ARHGEF28: variants seen among roughly 807,000 people sequenced by gnomAD.
ARHGEF28 encodes the protein 190 kDa guanine nucleotide exchange factor.
Under a neutral mutation model 206.6 loss-of-function variants are expected in ARHGEF28, and 152 were observed. The observed-to-expected ratio is 0.74, with a 90% CI of 0.64 to 0.84. The LOEUF (loss-of-function observed/expected upper bound fraction) is 0.84. ARHGEF28 is among the 40% of genes least tolerant of loss of function. The pLI, the probability that ARHGEF28 is intolerant of heterozygous loss-of-function variation, is 0.00. For synonymous variants in ARHGEF28, 763 were observed against 776.4 expected (o/e 0.98, Z 0.29); for missense variants, 2,028 against 2,073.2 (o/e 0.98, Z 0.42).
chr5:73,758,819 C>T (rs1752450873), intron 4 of ARHGEF28, among the ~76,000 whole-genome samples: 1 of 152,174 alleles, frequency 6.6e-6, no homozygotes, highest in Non-Finnish European at 1.5e-5. Context: ...TCGCAAAGTG[C>T]CAAACCTGGT....
intron 9 of ARHGEF28, among the ~76,000 whole-genome samples, chr5:73,828,615 TC>T (rs1757065070): frequency 9.4e-5 from 12 of 127,426 alleles, no homozygotes; most frequent in African/African-American, 1.2e-4. Flanking sequence ...TCCTTTCCTT[TC>T]TTTTTTCCTT....
At chr5:73,727,473 C>G (rs1750343684) in intron 2 of ARHGEF28, among the ~76,000 whole-genome samples, 1 of 152,158 alleles carries the variant, frequency 6.6e-6, no homozygotes, top group Non-Finnish European at 1.5e-5. Context: ...GTCATCTACT[C>G]TCCTTAAGCT....
At chr5:73,651,537 G>A (rs1744829349) in intron 1 of ARHGEF28, among the ~76,000 whole-genome samples, 1 of 152,176 alleles carries the variant, frequency 6.6e-6, no homozygotes, top group Non-Finnish European at 1.5e-5. Context: ...ACTTTGTGAA[G>A]TGCTAACATA....
chr5:73,821,763 G>A (rs776247148), intron 9 of ARHGEF28, among the ~76,000 whole-genome samples: 1 of 152,074 alleles, frequency 6.6e-6, no homozygotes, highest in Admixed American at 6.5e-5. Flanking sequence ...GAAGGAAGGG[G>A]CTTGTTGATT....
chr5:73,811,785 C>T (rs1755850509), intron 9 of ARHGEF28, among the ~76,000 whole-genome samples: 1 of 152,064 alleles, frequency 6.6e-6, no homozygotes, highest in Non-Finnish European at 1.5e-5. Flanking sequence ...GAGTTCGAGA[C>T]CAGCCTGGCT....
intron 23 of ARHGEF28, 101 bp downstream of exon 23, chr5:73,882,695 C>A: frequency 9.0e-7 from 1 of 1,111,706 alleles, no homozygotes; most frequent in South Asian, 1.8e-5. Flanking sequence ...GCTAATGATG[C>A]TTTTCAGGGG....
chr5:73,925,235 G>A (rs769043510), intron 35 of ARHGEF28, among the ~76,000 whole-genome samples: 1 of 152,108 alleles, frequency 6.6e-6, no homozygotes, highest in African/African-American at 2.4e-5. Flanking sequence ...CTTGCATCTC[G>A]ATCTCTCAGC....
At chr5:73,776,814 G>A in intron 6 of ARHGEF28, 118 bp downstream of exon 6, 1 of 874,652 alleles carries the variant, frequency 1.1e-6, no homozygotes, top group Non-Finnish European at 1.7e-6. Flanking sequence ...GAAACCTTGG[G>A]GGACATGAAA....
At chr5:73,716,475 C>G (rs1227911388) in intron 2 of ARHGEF28, among the ~76,000 whole-genome samples, 1 of 152,148 alleles carries the variant, frequency 6.6e-6, no homozygotes, top group African/African-American at 2.4e-5. Flanking sequence ...GCTAGTGCAG[C>G]CAGTGTCCTA....
intron 22 of ARHGEF28, among the ~76,000 whole-genome samples, chr5:73,881,473 C>T (rs1384813018): frequency 6.6e-6 from 1 of 152,118 alleles, no homozygotes; most frequent in Non-Finnish European, 1.5e-5. Context: ...CTTTCACTGG[C>T]ATTGTATAGT....
intron 1 of ARHGEF28, among the ~76,000 whole-genome samples, chr5:73,665,639 G>A (rs1745903352): frequency 1.3e-5 from 2 of 152,176 alleles, no homozygotes; most frequent in South Asian, 4.1e-4. Flanking sequence ...AGAAGGGCAA[G>A]AGAGCATGAG....
intron 1 of ARHGEF28, among the ~76,000 whole-genome samples, chr5:73,654,064 G>T (rs755446866): frequency 1.3e-5 from 2 of 152,172 alleles, no homozygotes; most frequent in Non-Finnish European, 2.9e-5. Context: ...TTAAGTTAGG[G>T]TGCTTAAGTT....
intron 1 of ARHGEF28, among the ~76,000 whole-genome samples, chr5:73,643,814 CAAA>C (rs10655836): frequency 6.5e-5 from 8 of 123,016 alleles, no homozygotes; most frequent in Non-Finnish European, 3.5e-5. Flanking sequence ...GGCCCTGTCT[CAAA>C]AAAAAAAAAA....
intron 2 of ARHGEF28, among the ~76,000 whole-genome samples, chr5:73,719,338 G>A (rs6865280): frequency 0.2 from 29,600 of 151,494 alleles, 3,088 homozygotes; most frequent in Non-Finnish European, 0.22. Context: ...GTGAACCCGG[G>A]AGGCGGAGCT....
chr5:73,797,527 A>G (rs2962279), intron 9 of ARHGEF28, among the ~76,000 whole-genome samples: 62,127 of 152,038 alleles, frequency 0.41, 13,185 homozygotes, highest in Non-Finnish European at 0.47. Flanking sequence ...CAGCCTGCCG[A>G]GTAGCTGGGA....
intron 13 of ARHGEF28, among the ~76,000 whole-genome samples, chr5:73,852,314 A>G (rs1048739388): frequency 6.6e-6 from 1 of 152,218 alleles, no homozygotes; most frequent in Non-Finnish European, 1.5e-5. Flanking sequence ...TATGAAGAAT[A>G]GGGATGACTC....
rs1231592966 is a variant in ARHGEF28 at position 73,846,478 on chromosome 5, AT to A, written c.1635+5del. The A allele has an allele frequency of 1.7e-5, 28 of 1,611,386 alleles. No individual in the cohort carries two copies. Among genetic ancestry groups the A allele is most frequent in the Non-Finnish European group, 2.3e-5 (27 of 1,177,630 alleles). On this transcript the variant is annotated splice_donor_region_variant and intron_variant, in intron 12 of 35. Coordinates refer to ENST00000513042, the MANE Select transcript of ARHGEF28 (RefSeq NM_001177693.2). ...TATCAAGTAATCTACAGTCGAAGGT[AT>A]TCTTATTGCTATTAATTTGGTATAT...
At chr5:73,716,416 C>T (rs1185543179) in intron 2 of ARHGEF28, among the ~76,000 whole-genome samples, 1 of 152,054 alleles carries the variant, frequency 6.6e-6, no homozygotes, top group East Asian at 1.9e-4. Context: ...CTGGATTTTG[C>T]TTATGTTTGT....
intron 1 of ARHGEF28, among the ~76,000 whole-genome samples, chr5:73,670,790 A>G (rs1038960951): frequency 1.3e-5 from 2 of 152,122 alleles, no homozygotes; most frequent in African/African-American, 4.8e-5. Flanking sequence ...CTTTTTAGTG[A>G]AATGTCTGTT....
Sources: gnomAD v4.1 joint callset for allele counts (sites outside exome capture counted in the v4.1 genomes callset) on GRCh38, gnomAD v4.1.1 for gene constraint, MANE v1.5 for transcripts, NCBI Gene and HGNC (gene_info 2026-07-23, HGNC 2026-07-21) for gene names.